Variants in DOCK5 observed in about 807,000 individuals in gnomAD.
DOCK5 encodes the protein dedicator of cytokinesis 5.
In DOCK5, 142 loss-of-function variants were observed where a neutral mutation model predicts 251.8. The observed-to-expected ratio is 0.56, with a 90% CI of 0.49 to 0.65. The LOEUF (loss-of-function observed/expected upper bound fraction) is 0.65, where lower values mean the gene tolerates loss of function less well. Ranked by LOEUF, DOCK5 falls within the 30% of genes least tolerant of loss-of-function variation. The probability of loss-of-function intolerance (pLI) is 0.00; values close to 1 mark genes in which losing one functional copy is unlikely to be tolerated. For missense variants in DOCK5, 2,111 were observed against 2,312.3 expected, an observed-to-expected ratio of 0.91 and a Z score of 1.79; for synonymous variants, 842 against 835.5, an observed-to-expected ratio of 1.01 and a Z score of -0.13.
Position 25,270,730 on chromosome 8 carries a change from G to T in DOCK5, c.168+1845G>T. ...TGTAAGGATCCTTTTGAACATGGCAGACCTTGCTTTCTAAAGTATCCTATG... is the reference window on the plus strand; with the variant it reads ...TGTAAGGATCCTTTTGAACATGGCATACCTTGCTTTCTAAAGTATCCTATG... On this transcript the variant is annotated intron_variant, in intron 3 of 51. Transcript: ENST00000276440. The T allele has an allele frequency of 5.8e-6, 4 of 687,710 alleles. No homozygotes were observed. In the South Asian group the frequency reaches 6.4e-5, roughly 11 times the overall value. 42.6% of individuals were successfully genotyped at this position (687,710 alleles called of 1,614,324 possible). A position where few individuals can be genotyped will look rare whatever the true frequency, so the allele number is the denominator to read the frequency against.
intron 3 of DOCK5, chr8:25,271,137 C>T: frequency 3.3e-6 from 1 of 303,074 alleles, no homozygotes. Context: ...GATAGGGTTC[C>T]CCCAGGATCT....
intron 25 of DOCK5, among the ~76,000 whole-genome samples, 184 bp downstream of exon 25, chr8:25,342,691 G>GTTTTTTTTTTTTTTTT (rs1201632677): frequency 6.1e-4 from 44 of 72,074 alleles, no homozygotes; most frequent in East Asian, 1.5e-3. Context: ...GTTTTTTCTT[G>GTTTTTTTTTTTTTTTT]TTTTTTTTTT....
intron 28 of DOCK5, among the ~76,000 whole-genome samples, chr8:25,361,633 G>A (rs1022385875): frequency 6.6e-6 from 1 of 151,988 alleles, no homozygotes; most frequent in African/African-American, 2.4e-5. Flanking sequence ...AAATAAATAA[G>A]TAAATAAAAT....
intron 5 of DOCK5, among the ~76,000 whole-genome samples, chr8:25,289,472 C>A (rs1264237535): frequency 6.6e-6 from 1 of 151,418 alleles, no homozygotes; most frequent in Non-Finnish European, 1.5e-5. Flanking sequence ...GTTTTTACAG[C>A]AGATAAGAAG....
chr8:25,210,854 C>A (rs1802115504), intron 1 of DOCK5, among the ~76,000 whole-genome samples: 1 of 36,808 alleles, frequency 2.7e-5, no homozygotes, highest in African/African-American at 5.7e-5. Flanking sequence ...TGGAAAGTGC[C>A]AATGTTCCTG....
chr8:25,249,990 T>C (rs563046996), intron 2 of DOCK5, among the ~76,000 whole-genome samples: 89 of 152,376 alleles, frequency 5.8e-4, no homozygotes, highest in African/African-American at 2.1e-3. Context: ...TTGGGTCGTT[T>C]AGATGTTTCA....
At chr8:25,315,995 T>C (rs1258512573) in intron 13 of DOCK5, among the ~76,000 whole-genome samples, 1 of 152,234 alleles carries the variant, frequency 6.6e-6, no homozygotes, top group East Asian at 1.9e-4. Flanking sequence ...TTTTTTCATC[T>C]AGGAGTTTAA....
At chr8:25,400,789 A>G (rs1801425571) in intron 46 of DOCK5, 140 bp from the exon 47 acceptor site, 4 of 870,622 alleles carry the variant, frequency 4.6e-6, no homozygotes, top group Non-Finnish European at 7.2e-6. Context: ...CACAAGTCCT[A>G]CACTGAGAAG....
At chr8:25,331,986 T>C (rs1156506730) in intron 18 of DOCK5, among the ~76,000 whole-genome samples, 1 of 152,184 alleles carries the variant, frequency 6.6e-6, no homozygotes, top group Admixed American at 6.5e-5. Flanking sequence ...GACCATGATG[T>C]CATTATTTGA....
intron 6 of DOCK5, among the ~76,000 whole-genome samples, chr8:25,294,011 T>C (rs1447657049): frequency 6.6e-6 from 1 of 152,012 alleles, no homozygotes; most frequent in African/African-American, 2.4e-5. Flanking sequence ...CTCAAATTAA[T>C]TAATTAATTA....
In DOCK5 at chr8:25,392,840, T is replaced by A. The variant is rs548221872; in HGVS notation, c.4485T>A (p.Phe1495Leu). The A allele has an allele frequency of 6.2e-6, 10 of 1,613,286 alleles. No homozygotes were observed. The African/African-American group carries it at 1.3e-4, about 22-fold the overall frequency. Residue 1495 changes from phenylalanine to leucine, a missense_variant, in exon 44 of 52, where the codon TTT becomes TTA. Transcript: ENST00000276440. Reference sequence around the variant, plus strand: ...CCACGTATACGACTGCATATACCTTTCCTGGGATTCTCAAGTGGTTTGAAG... The same window carrying A: ...CCACGTATACGACTGCATATACCTTACCTGGGATTCTCAAGTGGTTTGAAG... The part of the protein sequence containing the change: ...ERTTYTTAYT[F>L]PGILKWFEVK...
rs1201632677 is a variant in DOCK5, at chr8:25,342,691, G to GTTTTTTTTTTTTTTTTTTTTTTTTTTTT, written c.2617+209_2617+210insTTTTTTTTTTTTTTTTTTTTTTTTTTTT. On this transcript the variant is annotated intron_variant, in intron 25 of 51. Coordinates refer to ENST00000276440, the MANE Select transcript of DOCK5 (RefSeq NM_024940.8). ...TTTTGTTGTTTGTTTGTTTTTTCTT[G>GTTTTTTTTTTTTTTTTTTTTTTTTTTTT]TTTTTTTTTTTTTTTTTTTTTTTTT... 2.8e-4 allele frequency among the ~76,000 whole-genome samples: 20 copies of GTTTTTTTTTTTTTTTTTTTTTTTTTTTT among 72,072 alleles called. 1 individual carries two copies. Among genetic ancestry groups the GTTTTTTTTTTTTTTTTTTTTTTTTTTTT allele is most frequent in the South Asian group, 6.0e-4 (1 of 1,678 alleles). The allele number at this position is 72,072 out of a possible 152,430, so 47.3% of individuals were successfully genotyped here.
chr8:25,299,911 G>GT (rs1337526325), intron 8 of DOCK5, among the ~76,000 whole-genome samples: 3 of 152,108 alleles, frequency 2.0e-5, no homozygotes, highest in African/African-American at 7.2e-5. Context: ...TGGAATGACT[G>GT]TTATAAAATT....
intron 38 of DOCK5, among the ~76,000 whole-genome samples, chr8:25,379,806 A>G (rs191889872): frequency 6.5e-4 from 99 of 151,828 alleles, no homozygotes; most frequent in African/African-American, 2.3e-3. Flanking sequence ...ACACAACAGT[A>G]CTGTTAGCCT....
intron 3 of DOCK5, among the ~76,000 whole-genome samples, chr8:25,273,525 C>T (rs1359176971): frequency 6.6e-6 from 1 of 152,316 alleles, no homozygotes; most frequent in African/African-American, 2.4e-5. Context: ...ACTGCTTGAG[C>T]CCGGAGGGCG....
intron 34 of DOCK5, 22 bp from the exon 35 acceptor site, chr8:25,372,537 G>T (rs759084966): frequency 1.3e-5 from 20 of 1,552,530 alleles, no homozygotes; most frequent in African/African-American, 7.0e-5. Context: ...CTGGGCTTTT[G>T]TCTCTCCCTC....
At chr8:25,400,811 T>TTGGCCAGCACTATGTCTAGCAGTTTACC (rs1801425894) in intron 46 of DOCK5, 118 bp from the exon 47 acceptor site, 10 of 1,141,026 alleles carry the variant, frequency 8.8e-6, no homozygotes, top group African/African-American at 3.1e-5. Context: ...GGCCTTCCCA[T>TTGGCCAGCACTATGTCTAGCAGTTTACC]TGGCCAGCAC....
intron 2 of DOCK5, among the ~76,000 whole-genome samples, chr8:25,257,413 A>T (rs1803447377): frequency 6.6e-6 from 1 of 152,198 alleles, no homozygotes; most frequent in Admixed American, 6.5e-5. Context: ...TGTGATTCCC[A>T]CTGGGGTCCT....
At chr8:25,274,671 G>C (rs1200695984) in intron 3 of DOCK5, among the ~76,000 whole-genome samples, 1 of 152,132 alleles carries the variant, frequency 6.6e-6, no homozygotes, top group Non-Finnish European at 1.5e-5. Flanking sequence ...AAATAACCAG[G>C]TAACTAACAC....
Sources: gnomAD v4.1 joint callset for allele counts (sites outside exome capture counted in the v4.1 genomes callset) on GRCh38, gnomAD v4.1.1 for gene constraint, MANE v1.5 for transcripts, NCBI Gene and HGNC (gene_info 2026-07-23, HGNC 2026-07-21) for gene names.